Variants in ACSM1 observed in about 807,000 individuals in gnomAD.
ACSM1 encodes acyl-CoA synthetase medium chain family member 1, also known as acyl-coenzyme A synthetase ACSM1, mitochondrial.
In ACSM1, 79 loss-of-function variants were observed where a neutral mutation model predicts 75.8. That is an observed-to-expected ratio of 1.04 (90% confidence interval 0.87 to 1.26). ACSM1 has a LOEUF of 1.26. ACSM1 is among the 50% of genes most tolerant of loss of function. ACSM1 has a pLI of 0.00. For missense variants in ACSM1, 676 were observed against 720.1 expected, an observed-to-expected ratio of 0.94 and a Z score of 0.70; for synonymous variants, 279 against 265.8, an observed-to-expected ratio of 1.05 and a Z score of -0.48.
At chr16:20,676,339 G>C (rs1567301278) in intron 4 of ACSM1, among the ~76,000 whole-genome samples, 1 of 152,146 alleles carries the variant, frequency 6.6e-6, no homozygotes, top group Non-Finnish European at 1.5e-5. Flanking sequence ...AAAAGAAAAA[G>C]GCAACCAATA....
At chr16:20,647,661 T>C (rs900880578) in intron 7 of ACSM1, among the ~76,000 whole-genome samples, 1 of 152,152 alleles carries the variant, frequency 6.6e-6, no homozygotes, top group Non-Finnish European at 1.5e-5. Context: ...CCAACTTTTA[T>C]GCTACTAATT....
intron 8 of ACSM1, among the ~76,000 whole-genome samples, chr16:20,638,723 G>A (rs1551568): frequency 0.12 from 18,398 of 152,252 alleles, 1,620 homozygotes; most frequent in East Asian, 0.49. Flanking sequence ...GCTGAGACTT[G>A]GACCCAGGTC....
intron 2 of ACSM1, among the ~76,000 whole-genome samples, chr16:20,687,157 C>T (rs1473865380): frequency 1.3e-5 from 2 of 151,972 alleles, no homozygotes; most frequent in Non-Finnish European, 2.9e-5. Context: ...TCTGTCTTGC[C>T]TGACTTGCAG....
chr16:20,658,816 A>G (rs2019140760), intron 7 of ACSM1, among the ~76,000 whole-genome samples: 2 of 152,250 alleles, frequency 1.3e-5, no homozygotes, highest in East Asian at 1.9e-4. Flanking sequence ...AAAAGAGATT[A>G]AATTTATTAA....
chr16:20,679,964 TA>T (rs530796884), intron 4 of ACSM1: 8 of 150,730 alleles, frequency 5.3e-5, no homozygotes, highest in Non-Finnish European at 8.9e-5. Context: ...TTCACAATCC[TA>T]AAAAAAAACA....
intron 8 of ACSM1, among the ~76,000 whole-genome samples, chr16:20,637,951 C>A (rs534181330): frequency 5.3e-5 from 8 of 152,136 alleles, no homozygotes; most frequent in Admixed American, 5.2e-4. Context: ...ATCAGTGATC[C>A]GTAGGAAGAG....
intron 11 of ACSM1, 129 bp from the exon 12 acceptor site, chr16:20,625,651 C>T: frequency 1.3e-6 from 1 of 751,360 alleles, no homozygotes; most frequent in South Asian, 1.8e-5. Flanking sequence ...GGACCCCTGA[C>T]TTGTCTGTGT....
At position 20,625,520 on chromosome 16, in the gene ACSM1, T is replaced by C; in HGVS notation, c.1430A>G (p.Tyr477Cys). 1 of 1,613,838 alleles carries C rather than the reference T, an allele frequency of 6.2e-7. No homozygotes were observed. The highest frequency in any genetic ancestry group is 8.5e-7 in the Non-Finnish European group (1 of 1,179,926). Reference sequence around the variant, plus strand: ...TTCAACCTCTGCAGGCCCGATGCGATACCTGGAGGATGAAGGGTTCTGAGG... The same window carrying C: ...TTCAACCTCTGCAGGCCCGATGCGACACCTGGAGGATGAAGGGTTCTGAGG... ...RSDDIINASG[Y>C]RIGPAEVESA... The change falls in exon 12 of 14, where the codon TAT (tyrosine) becomes TGT (cysteine). Residue 477 changes from tyrosine to cysteine, a missense_variant and splice_region_variant. Transcript: ENST00000520010.
chr16:20,689,132 A>G (rs893295313), intron 2 of ACSM1, among the ~76,000 whole-genome samples: 17 of 151,518 alleles, frequency 1.1e-4, no homozygotes, highest in Non-Finnish European at 2.1e-4. Flanking sequence ...ATAGAACTGT[A>G]AAGGGGAAGG....
chr16:20,666,514 A>G (rs1315159988), intron 6 of ACSM1, among the ~76,000 whole-genome samples: 1 of 152,072 alleles, frequency 6.6e-6, no homozygotes, highest in Non-Finnish European at 1.5e-5. Context: ...ATGCTCATAT[A>G]TTGGAAGAAT....
intron 10 of ACSM1, among the ~76,000 whole-genome samples, chr16:20,635,465 T>C (rs2017610299): frequency 6.6e-6 from 1 of 152,242 alleles, no homozygotes. Flanking sequence ...ATCCAAGTAC[T>C]ACTATTTTAA....
At chr16:20,690,974 C>G in intron 2 of ACSM1, 23 bp downstream of exon 2, 1 of 1,595,738 alleles carries the variant, frequency 6.3e-7, no homozygotes, top group Non-Finnish European at 8.5e-7. Context: ...GTTCTTATAT[C>G]GCCATCACGG....
intron 6 of ACSM1, among the ~76,000 whole-genome samples, chr16:20,666,181 T>G (rs1002957595): frequency 6.6e-6 from 1 of 152,008 alleles, no homozygotes; most frequent in Non-Finnish European, 1.5e-5. Flanking sequence ...AGAAAAAAAG[T>G]CAAACTATCT....
chr16:20,693,611 T>C (rs367859007), intron 1 of ACSM1, among the ~76,000 whole-genome samples: 1 of 152,204 alleles, frequency 6.6e-6, no homozygotes, highest in Non-Finnish European at 1.5e-5. Flanking sequence ...TGCTGGGTCT[T>C]TATTTCAACT....
At chr16:20,691,479 C>T (rs2079651411) in intron 1 of ACSM1, among the ~76,000 whole-genome samples, 1 of 152,122 alleles carries the variant, frequency 6.6e-6, no homozygotes, top group African/African-American at 2.4e-5. Flanking sequence ...TAGGGGTCTT[C>T]TCCTTCAACC....
chr16:20,654,003 G>T (rs1275459784), intron 7 of ACSM1, among the ~76,000 whole-genome samples: 1 of 152,172 alleles, frequency 6.6e-6, no homozygotes, highest in African/African-American at 2.4e-5. Context: ...GACTTCAAAC[G>T]ATACCACAAG....
chr16:20,682,398 AC>A lies in ACSM1; in HGVS notation c.468del (p.Leu156PhefsTer8), dbSNP rs781231700. On this transcript the variant is annotated frameshift_variant, in exon 4 of 14. Coordinates refer to ENST00000520010, the MANE Select transcript of ACSM1 (RefSeq NM_001318890.3). LOFTEE classifies it high-confidence loss of function. ...KAKDILYRLQ[L>X]SKAKGIVTID... The stretch of plus-strand genomic sequence containing the variant: ...ATGGTCACAATGCCCTTGGCTTTAG[AC>A]AACTGTAGTCGATAGAGAATGTCTT... The A allele has an allele frequency of 6.1e-5, 98 of 1,613,930 alleles. No individual in the cohort carries two copies. The highest frequency in any genetic ancestry group is 8.3e-5 in the Non-Finnish European group (98 of 1,179,968).
rs145349703 is a variant in ACSM1, at chr16:20,625,472, G to C, written c.1478C>G (p.Ala493Gly). 2.1e-5 allele frequency: 34 copies of C among 1,613,934 alleles called. No individual in the cohort carries two copies. The African/African-American group carries it at 4.5e-4, about 22-fold the overall frequency. ...GCCCACCACGGCTGACTCCGCCACC[G>C]CTGGGTGCTCCACCAAAGCGCTTTC... ...EVESALVEHP[A>G]VAESAVVGSP... Residue 493 changes from alanine to glycine, a missense_variant, in exon 12 of 14, where the codon GCG becomes GGG. Ala to Gly is a moderately conservative substitution (Grantham distance 60). Coordinates refer to ENST00000520010, the MANE Select transcript of ACSM1 (RefSeq NM_001318890.3).
At chr16:20,649,528 A>T (rs1180463579) in intron 7 of ACSM1, among the ~76,000 whole-genome samples, 1 of 152,140 alleles carries the variant, frequency 6.6e-6, no homozygotes, top group Non-Finnish European at 1.5e-5. Flanking sequence ...ATCCAGTAAG[A>T]AGCATTTTAC....
Sources: gnomAD v4.1 joint callset for allele counts (sites outside exome capture counted in the v4.1 genomes callset) on GRCh38, gnomAD v4.1.1 for gene constraint, MANE v1.5 for transcripts, NCBI Gene and HGNC (gene_info 2026-07-23, HGNC 2026-07-21) for gene names.